The following ACAT1 variants were observed in gnomAD, a reference collection of about 807,000 sequenced individuals.
ACAT1 encodes the protein acetyl-CoA acetyltransferase 1.
ACAT1 carries 28 observed loss-of-function variants against 47.3 expected under a neutral mutation model. The ratio of observed to expected loss-of-function variants is 0.59; its 90% CI spans 0.44 to 0.81. The LOEUF (loss-of-function observed/expected upper bound fraction) is 0.81. Ranked by LOEUF, ACAT1 falls within the 30% of genes least tolerant of loss-of-function variation. The probability of loss-of-function intolerance (pLI) is 0.00; values close to 1 mark genes in which losing one functional copy is unlikely to be tolerated. For missense variants in ACAT1, 469 were observed against 524.3 expected (o/e 0.89, Z 1.03); for synonymous variants, 181 against 173.6 (o/e 1.04, Z -0.34).
chr11:108,131,372 T>TTTTTTTTTTTTTTTTTTTTTTTTTTTA (rs1555031491), intron 1 of ACAT1, among the ~76,000 whole-genome samples: 1 of 142,360 alleles, frequency 7.0e-6, no homozygotes, highest in Non-Finnish European at 1.5e-5. Flanking sequence ...TTTTTTTTTT[T>TTTTTTTTTTTTTTTTTTTTTTTTTTTA]AGACAGTCTT....
rs372169445 is a variant in ACAT1 at position 108,142,501 on chromosome 11, G to A, written c.891G>A (p.Thr297=). The A allele has an allele frequency of 4.8e-5, 77 of 1,614,022 alleles. No homozygotes were observed. The highest frequency in any genetic ancestry group is 6.3e-5 in the Non-Finnish European group (74 of 1,180,026). The change falls in exon 9 of 12, where the codon ACG becomes ACA. Residue 297 remains threonine, a synonymous_variant. Coordinates refer to ENST00000265838, the MANE Select transcript of ACAT1 (RefSeq NM_000019.4). ...NDGAAALVLM[T]ADAAKRLNVT... ...GAGCAGCTGCTCTGGTTCTCATGAC[G>A]GCAGATGCAGCGAAGAGGCTCAATG...
chr11:108,141,980 T>A (rs1433481112), intron 8 of ACAT1, among the ~76,000 whole-genome samples: 1 of 152,246 alleles, frequency 6.6e-6, no homozygotes, highest in Non-Finnish European at 1.5e-5. Flanking sequence ...TTTATTGATA[T>A]AATTTATATA....
intron 4 of ACAT1, 122 bp from the exon 5 acceptor site, chr11:108,135,020 C>A: frequency 1.4e-5 from 9 of 633,300 alleles, no homozygotes; most frequent in East Asian, 3.0e-5. Context: ...ATATTAAATG[C>A]ATGATATAAT....
At position 108,133,837 on chromosome 11, in the gene ACAT1, T is replaced by C. The variant is rs763375578; in HGVS notation, c.138T>C (p.Ser46=). The change falls in exon 3 of 12, where the codon AGT becomes AGC. Residue 46 remains serine (S), a synonymous_variant. Transcript: ENST00000265838. ...CTTGCCAGGAAGTGGTCATAGTAAG[T>C]GCTACAAGAACACCCATTGGATCTT... The part of the protein sequence containing the change: ...KPTLKEVVIV[S]ATRTPIGSFL... 1.9e-5 allele frequency: 31 copies of C among 1,613,906 alleles called. No homozygotes were observed. Among genetic ancestry groups the C allele is most frequent in the Non-Finnish European group, 2.5e-5 (29 of 1,179,946 alleles).
chr11:108,130,107 T>C (rs138371398), intron 1 of ACAT1, among the ~76,000 whole-genome samples: 1 of 152,290 alleles, frequency 6.6e-6, no homozygotes, highest in Non-Finnish European at 1.5e-5. Context: ...ATGGCTTTTC[T>C]CTTTGTTCTA....
intron 7 of ACAT1, 118 bp from the exon 8 acceptor site, chr11:108,141,487 G>A (rs1045317705): frequency 1.4e-5 from 10 of 715,564 alleles, no homozygotes; most frequent in African/African-American, 8.8e-5. Flanking sequence ...TACTTGGGAT[G>A]GTTTAAGTGA....
At chr11:108,131,372 T>TTTTTTTTTA (rs1555031491) in intron 1 of ACAT1, among the ~76,000 whole-genome samples, 1 of 142,360 alleles carries the variant, frequency 7.0e-6, no homozygotes, top group Non-Finnish European at 1.5e-5. Context: ...TTTTTTTTTT[T>TTTTTTTTTA]AGACAGTCTT....
intron 5 of ACAT1, among the ~76,000 whole-genome samples, chr11:108,138,282 G>T (rs1374302000): frequency 3.3e-5 from 5 of 151,502 alleles, no homozygotes; most frequent in Non-Finnish European, 7.4e-5. Context: ...ACCGTGCCCA[G>T]CCAGATTTCT....
upstream of ACAT1, chr11:108,121,403 C>A (rs1246409549): frequency 1.6e-6 from 1 of 633,380 alleles, no homozygotes; most frequent in Admixed American, 2.5e-5. Flanking sequence ...GTCCTTCACT[C>A]GTCAACCTTT....
intron 1 of ACAT1, 146 bp from the exon 2 acceptor site, chr11:108,131,761 A>T (rs1057251559): frequency 1.2e-5 from 4 of 321,618 alleles, no homozygotes; most frequent in African/African-American, 2.2e-5. Context: ...CTAATTGTTA[A>T]AAGTGATATA....
chr11:108,121,237 G>C, upstream of ACAT1: 2 of 346,902 alleles, frequency 5.8e-6, no homozygotes, highest in Non-Finnish European at 1.1e-5. Flanking sequence ...ATTTTCATGA[G>C]TTTGTGCTGG....
At chr11:108,125,168 A>G in intron 1 of ACAT1, among the ~76,000 whole-genome samples, 1 of 152,218 alleles carries the variant, frequency 6.6e-6, no homozygotes, top group Non-Finnish European at 1.5e-5. Flanking sequence ...AGGGTTACAA[A>G]ATTATATATT....
chr11:108,121,176 G>C (rs1002849082), upstream of ACAT1: 5 of 275,820 alleles, frequency 1.8e-5, no homozygotes, highest in Admixed American at 5.0e-5. Flanking sequence ...ACTCCAGCTT[G>C]GGTGACAGAG....
chr11:108,123,266 A>G (rs2077184782), intron 1 of ACAT1, among the ~76,000 whole-genome samples: 1 of 152,140 alleles, frequency 6.6e-6, no homozygotes, highest in African/African-American at 2.4e-5. Flanking sequence ...ATGAAACACA[A>G]ATACTCCTCA....
At chr11:108,131,354 A>ATTTTTTTTTTTTTTTTGTTTTT (rs2077353813) in intron 1 of ACAT1, among the ~76,000 whole-genome samples, 1 of 62,660 alleles carries the variant, frequency 1.6e-5, no homozygotes, top group African/African-American at 5.2e-5. Flanking sequence ...AAGACTTGGA[A>ATTTTTTTTTTTTTTTTGTTTTT]TTTTTTTTTT....
At chr11:108,123,586 C>T (rs2077189974) in intron 1 of ACAT1, among the ~76,000 whole-genome samples, 1 of 152,186 alleles carries the variant, frequency 6.6e-6, no homozygotes, top group African/African-American at 2.4e-5. Flanking sequence ...CTCATTACCT[C>T]CCATGTATTC....
intron 8 of ACAT1, among the ~76,000 whole-genome samples, chr11:108,141,972 T>G (rs1361650447): frequency 6.6e-6 from 1 of 152,230 alleles, no homozygotes; most frequent in African/African-American, 2.4e-5. Flanking sequence ...AAAACAGATT[T>G]ATTGATATAA....
At chr11:108,140,293 C>A (rs2077560469) in intron 7 of ACAT1, 78 bp downstream of exon 7, 1 of 1,552,560 alleles carries the variant, frequency 6.4e-7, no homozygotes, top group Non-Finnish European at 8.9e-7. Flanking sequence ...TAAATTAGGA[C>A]ATTATCTTGG....
upstream of ACAT1, among the ~76,000 whole-genome samples, chr11:108,118,459 C>T (rs1591348000): frequency 6.6e-6 from 1 of 152,060 alleles, no homozygotes; most frequent in Admixed American, 6.5e-5. Context: ...ACTGCAAGCT[C>T]CGCTTCCTGG....
Sources: gnomAD v4.1 joint callset for allele counts (sites outside exome capture counted in the v4.1 genomes callset) on GRCh38, gnomAD v4.1.1 for gene constraint, MANE v1.5 for transcripts, NCBI Gene and HGNC (gene_info 2026-07-23, HGNC 2026-07-21) for gene names.